HTR2C: variants seen among roughly 807,000 people sequenced by gnomAD.
The protein encoded by HTR2C is 5-hydroxytryptamine (serotonin) receptor 2C, G protein-coupled.
A neutral mutation model predicts 21.0 loss-of-function variants in HTR2C; 5 were observed. That is an observed-to-expected ratio of 0.24 (90% CI 0.12 to 0.50). The LOEUF (loss-of-function observed/expected upper bound fraction) is 0.50. HTR2C is among the 20% of genes least tolerant of loss of function. The probability of loss-of-function intolerance (pLI) is 0.98; values close to 1 mark genes in which losing one functional copy is unlikely to be tolerated. For missense variants in HTR2C, 271 were observed against 371.2 expected (o/e 0.73, Z 2.22); for synonymous variants, 150 against 145.3 (o/e 1.03, Z -0.23).
At chrX:114,835,352 C>G (rs1255933602) in intron 4 of HTR2C, among the ~76,000 whole-genome samples, 9 of 107,867 alleles carry the variant, frequency 8.3e-5, no homozygotes, top group Admixed American at 3.0e-4. Context: ...CCAATCAGAC[C>G]TAGATTTGGT....
intron 2 of HTR2C, among the ~76,000 whole-genome samples, chrX:114,709,660 A>G (rs1556418970): frequency 9.0e-6 from 1 of 111,709 alleles, no homozygotes; most frequent in African/African-American, 3.3e-5. Context: ...CAGGGCTTCC[A>G]GACATCTAGG....
rs138331623 is a variant in HTR2C, at chrX:114,884,831, G to A, written c.551-21758G>A. 2.2e-4 allele frequency among the ~76,000 whole-genome samples: 24 copies of A among 111,600 alleles called. No homozygotes were observed. In the East Asian group the frequency reaches 6.7e-3, roughly 31 times the overall value. ...TTGGAGCATGTGATTTAATTTCCAC[G>A]TATTTGTGATTTTCTCAGATCTCAT... On this transcript the variant is annotated intron_variant, in intron 5 of 5. Transcript: ENST00000276198.
chrX:114,888,518 T>C (rs1556482157), intron 5 of HTR2C, among the ~76,000 whole-genome samples: 2 of 111,951 alleles, frequency 1.8e-5, no homozygotes, highest in Admixed American at 9.5e-5. Context: ...GTGTCTCTCC[T>C]AGGAATATAA....
At chrX:114,847,320 A>C (rs1319548931) in intron 4 of HTR2C, among the ~76,000 whole-genome samples, 1 of 104,857 alleles carries the variant, frequency 9.5e-6, no homozygotes, top group Non-Finnish European at 2.0e-5. Flanking sequence ...CATCATTCTC[A>C]GTAAACTATC....
At chrX:114,835,351 C>G (rs1199032760) in intron 4 of HTR2C, among the ~76,000 whole-genome samples, 1 of 107,959 alleles carries the variant, frequency 9.3e-6, no homozygotes, top group African/African-American at 3.3e-5. Flanking sequence ...ACCAATCAGA[C>G]CTAGATTTGG....
At chrX:114,721,860 C>G (rs1933232078) in intron 2 of HTR2C, among the ~76,000 whole-genome samples, 1 of 107,099 alleles carries the variant, frequency 9.3e-6, no homozygotes, top group Admixed American at 1.0e-4. Flanking sequence ...GGGCTCTGTT[C>G]TGTTCCATTG....
chrX:114,900,116 C>G (rs782816054), intron 5 of HTR2C, among the ~76,000 whole-genome samples: 1 of 110,970 alleles, frequency 9.0e-6, no homozygotes, highest in African/African-American at 3.3e-5. Context: ...GATTTTTGGT[C>G]AGGGCGTTTC....
intron 4 of HTR2C, among the ~76,000 whole-genome samples, chrX:114,793,851 A>T (rs955690494): frequency 9.0e-6 from 1 of 110,981 alleles, no homozygotes; most frequent in Non-Finnish European, 1.9e-5. Context: ...ATATAAACAG[A>T]CATAAAGCTT....
chrX:114,667,830 C>T (rs983482402), intron 2 of HTR2C, among the ~76,000 whole-genome samples: 12 of 111,917 alleles, frequency 1.1e-4, no homozygotes, highest in African/African-American at 3.9e-4. Flanking sequence ...GAGCCAGAAA[C>T]ATGACCTTTA....
intron 2 of HTR2C, among the ~76,000 whole-genome samples, chrX:114,703,475 A>G (rs1166926794): frequency 9.0e-6 from 1 of 110,997 alleles, no homozygotes; most frequent in Non-Finnish European, 1.9e-5. Context: ...GTACATAAGG[A>G]AATGAAGGCA....
intron 4 of HTR2C, among the ~76,000 whole-genome samples, chrX:114,810,403 T>C (rs1378369344): frequency 9.0e-6 from 1 of 110,546 alleles, no homozygotes; most frequent in Non-Finnish European, 1.9e-5. Flanking sequence ...GGGGCACTTT[T>C]GCCCATGGTG....
chrX:114,872,824 CTG>C (rs1401227179), intron 5 of HTR2C, among the ~76,000 whole-genome samples: 1 of 111,390 alleles, frequency 9.0e-6, no homozygotes, highest in Non-Finnish European at 1.9e-5. Flanking sequence ...ACTTTTCTGT[CTG>C]TTTGTTAAAT....
intron 4 of HTR2C, among the ~76,000 whole-genome samples, chrX:114,820,129 G>A (rs1017945246): frequency 3.6e-5 from 4 of 110,179 alleles, no homozygotes; most frequent in Middle Eastern, 9.4e-3. Context: ...CCTTTGCCAA[G>A]AGAGGGTCTG....
At chrX:114,730,190 A>G (rs1363473172) in intron 3 of HTR2C, among the ~76,000 whole-genome samples, 1 of 111,832 alleles carries the variant, frequency 8.9e-6, no homozygotes, top group Admixed American at 9.5e-5. Flanking sequence ...ATACTTATGT[A>G]CATAACTCGA....
At chrX:114,658,706 AG>A (rs1930874242) in intron 2 of HTR2C, among the ~76,000 whole-genome samples, 1 of 111,047 alleles carries the variant, frequency 9.0e-6, no homozygotes, top group Admixed American at 9.7e-5. Context: ...AAGGGGGGAG[AG>A]GAGGGATAAC....
intron 5 of HTR2C, among the ~76,000 whole-genome samples, chrX:114,850,886 A>AT (rs2070911529): frequency 9.0e-6 from 1 of 111,332 alleles, no homozygotes; most frequent in East Asian, 2.8e-4. Flanking sequence ...AAGTAAAAGG[A>AT]TAAAAACAAA....
intron 2 of HTR2C, among the ~76,000 whole-genome samples, chrX:114,653,984 A>C (rs782254679): frequency 6.3e-5 from 7 of 110,551 alleles, no homozygotes; most frequent in Non-Finnish European, 9.5e-5. Context: ...CTCCTTCAGC[A>C]CTTATTAGGT....
intron 2 of HTR2C, among the ~76,000 whole-genome samples, chrX:114,640,884 TTTCC>T (rs1432688487): frequency 8.3e-5 from 9 of 108,578 alleles, no homozygotes; most frequent in Admixed American, 2.0e-4. Context: ...CTTTCTTTCT[TTTCC>T]TTCCTTCCTT....
Position 114,847,084 on chromosome X carries a change from T to C in HTR2C, c.350-919T>C, listed in dbSNP as rs782236297. On this transcript the variant is annotated intron_variant, in intron 4 of 5. Transcript: ENST00000276198. The stretch of plus-strand genomic sequence containing the variant: ...TCAGCCACAAAGAAGAATTAAGTAT[T>C]GATACATGCTACGAAATAGATAAAC... Among the ~76,000 whole-genome samples the C allele has an allele frequency of 2.2e-4, 24 of 111,280 alleles. No individual in the cohort carries two copies. In the South Asian group the frequency reaches 5.2e-3, roughly 24 times the overall value.
Sources: gnomAD v4.1 joint callset for allele counts (sites outside exome capture counted in the v4.1 genomes callset) on GRCh38, gnomAD v4.1.1 for gene constraint, MANE v1.5 for transcripts, NCBI Gene and HGNC (gene_info 2026-07-23, HGNC 2026-07-21) for gene names.